The following CIMAP3 variants were observed in gnomAD, a reference collection of about 807,000 sequenced individuals.
CIMAP3 encodes ciliary microtubule-associated protein 3.
At chr1:111,333,077 C>G in the CIMAP3 span, among the ~76,000 whole-genome samples, 1 of 152,186 alleles carries the variant, frequency 6.6e-6, no homozygotes, top group African/African-American at 2.4e-5. Flanking sequence ...ACTCCACTGG[C>G]CTGGGAGCAT....
the CIMAP3 span, among the ~76,000 whole-genome samples, chr1:111,344,968 ATACT>A: frequency 6.6e-6 from 1 of 152,206 alleles, no homozygotes; most frequent in Admixed American, 6.5e-5. Flanking sequence ...AGATACATAA[ATACT>A]TAATATCATG....
chr1:111,338,936 T>A, the CIMAP3 span, among the ~76,000 whole-genome samples: 2 of 152,066 alleles, frequency 1.3e-5, no homozygotes, highest in African/African-American at 4.8e-5. Context: ...CTTGATGAAA[T>A]TTGATGCAAA....
At chr1:111,348,304 C>T in the CIMAP3 span, 1 of 377,378 alleles carries the variant, frequency 2.6e-6, no homozygotes, top group African/African-American at 2.1e-5. Context: ...TTTATTTCTA[C>T]AACCTATATA....
At chr1:111,326,010 C>T in the CIMAP3 span, among the ~76,000 whole-genome samples, 1,202 of 152,142 alleles carry the variant, frequency 7.9e-3, 16 homozygotes, top group African/African-American at 0.027. Context: ...AGAGTGTAAA[C>T]ATGCTGTTTT....
the CIMAP3 span, among the ~76,000 whole-genome samples, chr1:111,333,860 T>C: frequency 2.0e-5 from 3 of 152,344 alleles, no homozygotes; most frequent in African/African-American, 7.2e-5. Context: ...ATCAGCCCTC[T>C]TGCTGATGTT....
the CIMAP3 span, chr1:111,352,615 C>G: frequency 6.6e-6 from 1 of 152,380 alleles, no homozygotes. Context: ...TTCTTTTAAT[C>G]TGATGACTTA....
At chr1:111,338,887 C>G in the CIMAP3 span, among the ~76,000 whole-genome samples, 1 of 152,084 alleles carries the variant, frequency 6.6e-6, no homozygotes. Flanking sequence ...CAAAGCCTGG[C>G]GGAGACACAA....
the CIMAP3 span, among the ~76,000 whole-genome samples, chr1:111,334,340 C>A: frequency 1.3e-5 from 2 of 152,142 alleles, no homozygotes; most frequent in African/African-American, 4.8e-5. Flanking sequence ...AGAGCTGAGG[C>A]AAATCTGGGC....
At chr1:111,341,167 T>C in the CIMAP3 span, among the ~76,000 whole-genome samples, 2 of 130,372 alleles carry the variant, frequency 1.5e-5, no homozygotes, top group African/African-American at 5.9e-5. Flanking sequence ...TGAGAACATA[T>C]GGACACAGGA....
At chr1:111,338,509 T>A in the CIMAP3 span, among the ~76,000 whole-genome samples, 2 of 151,522 alleles carry the variant, frequency 1.3e-5, no homozygotes, top group Admixed American at 1.3e-4. Context: ...CAATAAAAAA[T>A]GATAAAGGGG....
the CIMAP3 span, among the ~76,000 whole-genome samples, chr1:111,327,987 GC>G: frequency 6.6e-6 from 1 of 152,250 alleles, no homozygotes; most frequent in South Asian, 2.1e-4. Flanking sequence ...GACATTTAAT[GC>G]TATGAATTTT....
At chr1:111,347,854 G>A in the CIMAP3 span, 1 of 997,858 alleles carries the variant, frequency 1.0e-6, no homozygotes, top group Non-Finnish European at 1.6e-6. Flanking sequence ...CAAGAGGGGG[G>A]TGATCTAAAA....
chr1:111,324,907 C>T, the CIMAP3 span: 3 of 970,336 alleles, frequency 3.1e-6, no homozygotes, highest in South Asian at 4.8e-5. Flanking sequence ...TGTTCTTGGA[C>T]TCTAGTAGAT....
chr1:111,327,210 A>G, the CIMAP3 span, among the ~76,000 whole-genome samples: 1 of 152,040 alleles, frequency 6.6e-6, no homozygotes, highest in Non-Finnish European at 1.5e-5. Flanking sequence ...TAGTAGTTTT[A>G]TAGTTTCAAG....
At chr1:111,331,621 A>G in the CIMAP3 span, among the ~76,000 whole-genome samples, 1 of 151,820 alleles carries the variant, frequency 6.6e-6, no homozygotes, top group Admixed American at 6.6e-5. Context: ...TGAATTTTCT[A>G]TCTGCATTCT....
At chr1:111,325,081 C>T in the CIMAP3 span, among the ~76,000 whole-genome samples, 2 of 152,162 alleles carry the variant, frequency 1.3e-5, no homozygotes, top group Non-Finnish European at 2.9e-5. Flanking sequence ...TCTTAATAAA[C>T]CTGCACTGTT....
the CIMAP3 span, among the ~76,000 whole-genome samples, chr1:111,330,130 C>T: frequency 6.6e-6 from 1 of 152,070 alleles, no homozygotes; most frequent in Non-Finnish European, 1.5e-5. Context: ...TTTTGCTATC[C>T]TCCTGAATCT....
the CIMAP3 span, among the ~76,000 whole-genome samples, chr1:111,340,055 A>T: frequency 2.0e-5 from 3 of 152,006 alleles, 1 homozygote; most frequent in South Asian, 4.1e-4. Flanking sequence ...AACGTCGCAT[A>T]TCTACAACTA....
chr1:111,332,944 C>T, the CIMAP3 span, among the ~76,000 whole-genome samples: 2,123 of 152,312 alleles, frequency 0.014, 32 homozygotes, highest in East Asian at 0.06. Flanking sequence ...CAGGTGCCAC[C>T]TGTGGAGCTG....
Sources: allele counts gnomAD v4.1 joint callset (sites outside exome capture counted in the v4.1 genomes callset), GRCh38; gene constraint gnomAD v4.1.1; transcripts MANE v1.5; gene names NCBI Gene and HGNC (gene_info 2026-07-23, HGNC 2026-07-21).